NOTCH3: variants seen among roughly 807,000 people sequenced by gnomAD.
NOTCH3 encodes the protein notch receptor 3.
NOTCH3 carries 86 observed loss-of-function variants against 213.3 expected under a neutral mutation model. The observed-to-expected ratio is 0.40, with a 90% CI of 0.34 to 0.48. NOTCH3 has a LOEUF of 0.48. Ranked by LOEUF, NOTCH3 falls within the 20% of genes least tolerant of loss-of-function variation. NOTCH3 has a pLI of 0.57. For missense variants in NOTCH3, 2,783 were observed against 3,272.6 expected (o/e 0.85, Z 3.65); for synonymous variants, 1,354 against 1,355.9 (o/e 1.00, Z 0.03).
At chr19:15,173,593 G>A (rs1297108249) in intron 25 of NOTCH3, among the ~76,000 whole-genome samples, 1 of 151,694 alleles carries the variant, frequency 6.6e-6, no homozygotes, top group Non-Finnish European at 1.5e-5. Flanking sequence ...AGCCCGGTGT[G>A]GTGGTGGATG....
In NOTCH3 at chr19:15,197,493, C is replaced by G; in HGVS notation, c.197+7G>C. 5 of 1,582,194 alleles carry G rather than the reference C, an allele frequency of 3.2e-6. No homozygotes were observed. The highest frequency in any genetic ancestry group is 4.3e-6 in the Non-Finnish European group (5 of 1,161,968). The stretch of plus-strand genomic sequence containing the variant: ...GGCCCACTGGTGGCTCTGAGCCAGG[C>G]ACTCACAGGCAGGCAGCCTCCCGGG... On this transcript the variant is annotated splice_region_variant and intron_variant, in intron 2 of 32. Transcript: ENST00000263388.
chr19:15,167,704 C>T (rs2046697734), intron 28 of NOTCH3, among the ~76,000 whole-genome samples: 1 of 152,056 alleles, frequency 6.6e-6, no homozygotes, highest in East Asian at 1.9e-4. Flanking sequence ...CAGGCACATG[C>T]CACGGTGTCC....
At position 15,190,921 on chromosome 19, in the gene NOTCH3, A is replaced by G. The variant is rs148840807; in HGVS notation, c.1036+503T>C. On this transcript the variant is annotated intron_variant, in intron 6 of 32. Transcript: ENST00000263388. ...TTTGTAGAGATGACAAAAACTCACTATGTTGTCCAGGCTGGTCTCAAAGTC... is the reference window on the plus strand; with the variant it reads ...TTTGTAGAGATGACAAAAACTCACTGTGTTGTCCAGGCTGGTCTCAAAGTC... Among the ~76,000 whole-genome samples the G allele has an allele frequency of 7.5e-3, 1,145 of 151,984 alleles. 6 individuals are homozygous for G. The highest frequency in any genetic ancestry group is 0.02 in the Middle Eastern group (6 of 294).
chr19:15,189,581 C>T (rs949626553), intron 6 of NOTCH3, among the ~76,000 whole-genome samples, 153 bp from the exon 7 acceptor site: 1 of 152,300 alleles, frequency 6.6e-6, no homozygotes, highest in South Asian at 2.1e-4. Flanking sequence ...TACAATAGCG[C>T]GATCTTGGCT....
intron 2 of NOTCH3, among the ~76,000 whole-genome samples, chr19:15,195,582 C>T (rs1384102834): frequency 6.6e-6 from 1 of 152,064 alleles, no homozygotes; most frequent in African/African-American, 2.4e-5. Flanking sequence ...CAAGATCCCC[C>T]CCACCCCGGC....
At position 15,172,352 on chromosome 19, in the gene NOTCH3, C is replaced by A. The variant is rs1296941167; in HGVS notation, c.4737-1527G>T. ...ATATCTTTCTTGTTTGTGTCTTTAG[C>A]CCCCAGGTATCTCCTTGGAGGCCTT... On this transcript the variant is annotated intron_variant, in intron 25 of 32. Transcript: ENST00000263388. Among the ~76,000 whole-genome samples the A allele has an allele frequency of 6.6e-5, 10 of 152,162 alleles. No homozygotes were observed. In the East Asian group the frequency reaches 1.9e-3, roughly 29 times the overall value.
At position 15,184,963 on chromosome 19, in the gene NOTCH3, G is replaced by A. The variant is rs1289281166; in HGVS notation, c.2353C>T (p.Arg785Cys). The change falls in exon 15 of 33, where the codon CGC (arginine) becomes TGC (cysteine). Residue 785 changes from arginine to cysteine, a missense_variant. Physicochemically the swap from Arg to Cys is radical, Grantham distance 180 (BLOSUM62 -3). Around this residue, in one of 6 missense-constraint regions of NOTCH3, gnomAD observed 861 missense variants for 909.1 expected, o/e 0.95. Transcript: ENST00000263388. ...CTPNPCEHGG[R>C]CESAPGQLPV... ...AGCTGGCCAGGGGCAGACTCGCAGC[G>A]GCCCCCATGCTCACAGGGGTTCGGG... The A allele has an allele frequency of 1.1e-5, 17 of 1,548,076 alleles. No homozygotes were observed. Among genetic ancestry groups the A allele is most frequent in the Non-Finnish European group, 1.5e-5 (17 of 1,145,256 alleles).
chr19:15,180,605 G>A (rs2046831169), intron 19 of NOTCH3, 76 bp downstream of exon 19: 13 of 1,498,552 alleles, frequency 8.7e-6, no homozygotes, highest in Non-Finnish European at 3.6e-6. Context: ...ACCCCCATTC[G>A]GCTCACACTA....
rs2145415886 is a variant in NOTCH3 at position 15,178,092 on chromosome 19, TG to T, written c.3838-3del. The T allele has an allele frequency of 6.6e-7, 1 of 1,504,266 alleles. No individual in the cohort carries two copies. Among genetic ancestry groups the T allele is most frequent in the East Asian group, 2.6e-5 (1 of 38,310 alleles). 93.2% of individuals were successfully genotyped at this position (1,504,266 alleles called of 1,614,324 possible). ...CTCGCAACGCGGACCCCAGAACGGC[TG>T]GGGGTCGGGTTTGGGGAGGGAGGGA... On this transcript the variant is annotated splice_polypyrimidine_tract_variant and splice_region_variant and intron_variant, in intron 23 of 32. Transcript: ENST00000263388.
Position 15,188,920 on chromosome 19 carries a change from C to T in NOTCH3, c.1378+69G>A, listed in dbSNP as rs2046905424. On this transcript the variant is annotated intron_variant, in intron 8 of 32. Coordinates refer to ENST00000263388, the MANE Select transcript of NOTCH3 (RefSeq NM_000435.3). ...CACTTACACCCCATTCTGCTCAGCT[C>T]CCCATCCGCGGGCTTCTCTGTCCCC... is the stretch of plus-strand genomic sequence containing the variant. 4 of 1,492,780 alleles carry T rather than the reference C, an allele frequency of 2.7e-6. No homozygotes were observed. In the Admixed American group the frequency reaches 5.8e-5, roughly 22 times the overall value. The allele number at this position is 1,492,780 out of a possible 1,614,324, so 92.5% of individuals were successfully genotyped here. A position where few individuals can be genotyped will look rare whatever the true frequency, so the allele number is the denominator to read the frequency against.
At chr19:15,171,739 C>T (rs1039050766) in intron 25 of NOTCH3, among the ~76,000 whole-genome samples, 1 of 152,220 alleles carries the variant, frequency 6.6e-6, no homozygotes, top group Non-Finnish European at 1.5e-5. Context: ...GGTGCAATCT[C>T]AGCTCACTGC....
At position 15,189,395 on chromosome 19, in the gene NOTCH3, C is replaced by T. The variant is rs1003059377; in HGVS notation, c.1070G>A (p.Ser357Asn). ...GATAGCATCCTCGTGGCAGGGGTTG[C>T]TGACACAGGCGTCATCCAGGTGACA... is the stretch of plus-strand genomic sequence containing the variant. ...LLCHLDDACVSNPCHEDAICD... is the reference protein window; with the variant it reads ...LLCHLDDACVNNPCHEDAICD... The change falls in exon 7 of 33, where the codon AGC becomes AAC. Residue 357 changes from serine (S) to asparagine (N), a missense_variant. Transcript: ENST00000263388. 2 of 1,613,762 alleles carry T rather than the reference C, an allele frequency of 1.2e-6. No individual in the cohort carries two copies. Among genetic ancestry groups the T allele is most frequent in the Non-Finnish European group, 1.7e-6 (2 of 1,180,054 alleles).
intron 28 of NOTCH3, among the ~76,000 whole-genome samples, chr19:15,168,791 G>A (rs777932826): frequency 1.6e-4 from 24 of 152,032 alleles, no homozygotes; most frequent in Non-Finnish European, 5.9e-5. Context: ...CCAAGATCAC[G>A]CCACTGCACT....
intron 32 of NOTCH3, 121 bp from the exon 33 acceptor site, chr19:15,161,835 T>A: frequency 1.2e-6 from 1 of 822,186 alleles, no homozygotes; most frequent in Non-Finnish European, 1.9e-6. Flanking sequence ...AGACCTGGGT[T>A]AAATCCCGGC....
Position 15,179,374 on chromosome 19 carries a change from T to G in NOTCH3, c.3450A>C (p.Pro1150=). Residue 1150 remains proline, a synonymous_variant, in exon 21 of 33, where the codon CCA becomes CCC. Transcript: ENST00000263388. ...CTGGCCCTGGCATACCCAGCGTTCC[T>G]GGGGGACAGGAGCAGAGATAGCGGG... ...LVARYLCSCP[P]GTLGVLCEIN... 1 of 1,614,042 alleles carries G rather than the reference T, an allele frequency of 6.2e-7. No homozygotes were observed. Among genetic ancestry groups the G allele is most frequent in the Non-Finnish European group, 8.5e-7 (1 of 1,180,022 alleles).
At chr19:15,180,918 C>G (rs1318394180) in intron 18 of NOTCH3, 43 bp downstream of exon 18, 2 of 1,584,556 alleles carry the variant, frequency 1.3e-6, no homozygotes, top group South Asian at 1.1e-5. Context: ...CTCCTAGGAT[C>G]CCAGGCAGGC....
intron 24 of NOTCH3, among the ~76,000 whole-genome samples, chr19:15,175,275 C>T (rs2046777387): frequency 6.7e-6 from 1 of 149,990 alleles, no homozygotes; most frequent in Non-Finnish European, 1.5e-5. Context: ...GCTCATGCCT[C>T]TAATTCCAGC....
chr19:15,185,080 C>T lies in NOTCH3; in HGVS notation c.2297-61G>A, dbSNP rs1417108681. Reference sequence around the variant, plus strand: ...CTTGAGGGACTCCCTGATCCCATCTCCCCCCACCTCCCCCAACCCCAGGGT... The same window carrying T: ...CTTGAGGGACTCCCTGATCCCATCTTCCCCCACCTCCCCCAACCCCAGGGT... On this transcript the variant is annotated intron_variant, in intron 14 of 32. Transcript: ENST00000263388. The surrounding 1 kb of genome is among the most constrained non-coding windows in gnomAD (Gnocchi z 4.2). The T allele has an allele frequency of 9.0e-6, 11 of 1,221,714 alleles. No individual in the cohort carries two copies. In the East Asian group the frequency reaches 2.0e-4, roughly 23 times the overall value. 75.7% of individuals were successfully genotyped at this position (1,221,714 alleles called of 1,614,324 possible). A position where few individuals can be genotyped will look rare whatever the true frequency, so the allele number is the denominator to read the frequency against.
chr19:15,177,947 G>T lies in NOTCH3; in HGVS notation c.3981C>A (p.Phe1327Leu). Residue 1327 changes from phenylalanine (F) to leucine (L), a missense_variant, in exon 24 of 33, where the codon TTC (phenylalanine) becomes TTA (leucine). Phe to Leu is a conservative substitution (Grantham distance 22). This residue lies in a region of NOTCH3 where 133 missense variants were observed against 201.9 expected (regional missense o/e 0.66). Coordinates refer to ENST00000263388, the MANE Select transcript of NOTCH3 (RefSeq NM_000435.3). ...TGCTGGCCCCCGGCGGCGACCCCGG[G>T]AAGCTGCGGCAGGAGGGTCCCGACA... is the stretch of plus-strand genomic sequence containing the variant. ...PGLSGPSCRS[F>L]PGSPPGASNA... 1.5e-6 allele frequency: 2 copies of T among 1,310,596 alleles called. No individual in the cohort carries two copies. The highest frequency in any genetic ancestry group is 6.3e-5 in the East Asian group (2 of 31,656). 81.2% of individuals were successfully genotyped at this position (1,310,596 alleles called of 1,614,324 possible).
Sources: allele counts gnomAD v4.1 joint callset (sites outside exome capture counted in the v4.1 genomes callset), GRCh38; gene constraint gnomAD v4.1.1; regional missense constraint gnomAD v4.1.1; non-coding constraint Gnocchi (gnomAD v3.1); transcripts MANE v1.5; gene names NCBI Gene and HGNC (gene_info 2026-07-23, HGNC 2026-07-21).